The following SAMD12 variants were observed in gnomAD, a reference collection of about 807,000 sequenced individuals.
SAMD12 encodes sterile alpha motif domain containing 12.
In SAMD12, 9 loss-of-function variants were observed where a neutral mutation model predicts 15.0. That is an observed-to-expected ratio of 0.60 (90% CI 0.36 to 1.05). SAMD12 has a LOEUF of 1.05. Among genes scored for constraint, SAMD12 ranks in the 50% least tolerant of loss-of-function variants. The pLI, the probability that SAMD12 is intolerant of heterozygous loss-of-function variation, is 0.01. For synonymous variants in SAMD12, 86 were observed against 90.1 expected (o/e 0.96, Z 0.25); for missense variants, 230 against 234.2 (o/e 0.98, Z 0.12).
intron 4 of SAMD12, among the ~76,000 whole-genome samples, chr8:118,219,288 A>G (rs778217613): frequency 5.3e-5 from 8 of 152,242 alleles, no homozygotes; most frequent in Non-Finnish European, 7.3e-5. Flanking sequence ...GAGAGAGACT[A>G]TGCCCTGTGT....
At chr8:118,553,592 T>C (rs1442608739) in intron 2 of SAMD12, among the ~76,000 whole-genome samples, 7 of 149,594 alleles carry the variant, frequency 4.7e-5, no homozygotes, top group Non-Finnish European at 9.0e-5. Flanking sequence ...GAAGAAAACC[T>C]AGGCATTACC....
Position 118,379,832 on chromosome 8 carries a change from T to C in SAMD12, c.323-132A>G, listed in dbSNP as rs1325129562. 4 of 1,133,432 alleles carry C rather than the reference T, an allele frequency of 3.5e-6. No individual in the cohort carries two copies. The African/African-American group carries it at 6.2e-5, about 18-fold the overall frequency. 70.2% of individuals were successfully genotyped at this position (1,133,432 alleles called of 1,614,324 possible). ...ACACAGACATTTTAGAATAAAGGTC[T>C]TCCATTATTATTGCTGACACAAATG... On this transcript the variant is annotated intron_variant, in intron 3 of 3. Transcript: ENST00000314727.
At chr8:118,449,292 A>T (rs1202486572) in intron 2 of SAMD12, among the ~76,000 whole-genome samples, 1 of 151,562 alleles carries the variant, frequency 6.6e-6, no homozygotes, top group East Asian at 2.0e-4. Flanking sequence ...CGAACTCGTG[A>T]CCTCGTGATC....
chr8:118,463,635 TG>T (rs1823500966), intron 2 of SAMD12, among the ~76,000 whole-genome samples: 2 of 152,026 alleles, frequency 1.3e-5, no homozygotes, highest in African/African-American at 4.8e-5. Flanking sequence ...CGTTACAAAA[TG>T]GGGCTAGGCT....
rs370813797 is a variant in SAMD12 at position 118,240,565 on chromosome 8, C to T, written c.434-42833G>A. On this transcript the variant is annotated intron_variant, in intron 4 of 4. Coordinates refer to the SAMD12 transcript ENST00000409003. Reference sequence around the variant, plus strand: ...TGGAGGTAATAATGGTATTTGTACCCTAGGGTTTTTCCCCCTGAGTAATTG... The same window carrying T: ...TGGAGGTAATAATGGTATTTGTACCTTAGGGTTTTTCCCCCTGAGTAATTG... Among the ~76,000 whole-genome samples the T allele has an allele frequency of 2.0e-4, 31 of 152,176 alleles. 1 individual carries two copies. The East Asian group carries it at 2.9e-3, about 14-fold the overall frequency.
chr8:118,438,556 T>G (rs959456538), intron 3 of SAMD12, among the ~76,000 whole-genome samples: 1 of 152,044 alleles, frequency 6.6e-6, no homozygotes, highest in African/African-American at 2.4e-5. Flanking sequence ...CCTTTGGCAG[T>G]CAAGGGCTCC....
intron 4 of SAMD12, among the ~76,000 whole-genome samples, chr8:118,282,850 ATGTG>A (rs1012031215): frequency 6.6e-6 from 1 of 151,832 alleles, no homozygotes; most frequent in East Asian, 1.9e-4. Context: ...ATGTATAGAT[ATGTG>A]TGTGTGTGTA....
At chr8:118,415,818 A>T (rs1160621681) in intron 3 of SAMD12, among the ~76,000 whole-genome samples, 1 of 152,192 alleles carries the variant, frequency 6.6e-6, no homozygotes, top group Non-Finnish European at 1.5e-5. Context: ...CACATTCCAC[A>T]CGCAGAAGTG....
intron 4 of SAMD12, among the ~76,000 whole-genome samples, chr8:118,255,513 C>A (rs1812917234): frequency 1.9e-5 from 2 of 106,016 alleles, no homozygotes; most frequent in Non-Finnish European, 3.6e-5. Flanking sequence ...CCTCCCCCCA[C>A]CCCACAACAG....
chr8:118,166,763 A>G, the SAMD12 span, among the ~76,000 whole-genome samples: 2 of 152,218 alleles, frequency 1.3e-5, no homozygotes, highest in Non-Finnish European at 2.9e-5. Context: ...GACTACAGAT[A>G]TTAACAAAGG....
chr8:118,376,906 G>A (rs1458749673), downstream of SAMD12, among the ~76,000 whole-genome samples: 5 of 152,056 alleles, frequency 3.3e-5, no homozygotes, highest in African/African-American at 1.2e-4. Flanking sequence ...TCACCTGAGT[G>A]GAATGAAATT....
At chr8:118,303,841 A>T (rs1815171599) in intron 4 of SAMD12, among the ~76,000 whole-genome samples, 1 of 152,170 alleles carries the variant, frequency 6.6e-6, no homozygotes, top group African/African-American at 2.4e-5. Context: ...TACTCATCCC[A>T]TTCCAGTTTA....
At chr8:118,312,770 G>C (rs554093048) in intron 4 of SAMD12, among the ~76,000 whole-genome samples, 1 of 152,242 alleles carries the variant, frequency 6.6e-6, no homozygotes, top group South Asian at 2.1e-4. Flanking sequence ...GTTTAGAAAG[G>C]TTAATAGTGA....
chr8:118,362,190 A>G (rs893771912), intron 4 of SAMD12, among the ~76,000 whole-genome samples: 6 of 152,106 alleles, frequency 3.9e-5, no homozygotes, highest in Non-Finnish European at 8.8e-5. Context: ...GCATATTTAA[A>G]ATTTCAAAAA....
chr8:118,217,878 T>C (rs540296505), intron 4 of SAMD12, among the ~76,000 whole-genome samples: 23 of 152,352 alleles, frequency 1.5e-4, no homozygotes, highest in African/African-American at 5.3e-4. Flanking sequence ...GATTTCTGGA[T>C]GTGCTGTTCC....
intron 3 of SAMD12, among the ~76,000 whole-genome samples, chr8:118,436,950 C>A (rs996842884): frequency 7.2e-5 from 11 of 152,164 alleles, no homozygotes; most frequent in Non-Finnish European, 1.3e-4. Flanking sequence ...ACCCAGCAAC[C>A]TTTACAAAAT....
chr8:118,264,378 G>C (rs1039539721), intron 4 of SAMD12, among the ~76,000 whole-genome samples: 1 of 152,100 alleles, frequency 6.6e-6, no homozygotes, highest in Non-Finnish European at 1.5e-5. Flanking sequence ...TGAATAATCA[G>C]GTACTGGAGT....
chr8:118,585,533 AAG>A (rs1827417122), intron 1 of SAMD12, among the ~76,000 whole-genome samples: 1 of 152,202 alleles, frequency 6.6e-6, no homozygotes, highest in Non-Finnish European at 1.5e-5. Flanking sequence ...CATAAATGGA[AAG>A]AGAGGTTCCA....
chr8:118,618,041 TTA>T (rs869265109), intron 1 of SAMD12, among the ~76,000 whole-genome samples: 13 of 149,702 alleles, frequency 8.7e-5, no homozygotes, highest in African/African-American at 2.8e-4. Context: ...TTTTTTTTTT[TTA>T]AAAAAAGGCA....
Sources: gnomAD v4.1 joint callset for allele counts (sites outside exome capture counted in the v4.1 genomes callset) on GRCh38, gnomAD v4.1.1 for gene constraint, MANE v1.5 for transcripts, NCBI Gene and HGNC (gene_info 2026-07-23, HGNC 2026-07-21) for gene names.